Variants in CDC42BPA observed in about 807,000 individuals in gnomAD.
CDC42BPA encodes the protein serine/threonine-protein kinase MRCK alpha.
Under a neutral mutation model 223.5 loss-of-function variants are expected in CDC42BPA, and 80 were observed. The observed-to-expected ratio is 0.36, with a 90% CI of 0.30 to 0.43. CDC42BPA has a LOEUF of 0.43. Among genes scored for constraint, CDC42BPA ranks in the 20% least tolerant of loss-of-function variants. The pLI is 1.00. For synonymous variants in CDC42BPA, 694 were observed against 718.6 expected, an observed-to-expected ratio of 0.97 and a Z score of 0.55; for missense variants, 1,743 against 2,099.9, an observed-to-expected ratio of 0.83 and a Z score of 3.32.
intron 1 of CDC42BPA, among the ~76,000 whole-genome samples, chr1:227,271,932 A>G (rs888520267): frequency 6.6e-6 from 1 of 152,194 alleles, no homozygotes; most frequent in South Asian, 2.1e-4. Flanking sequence ...ATAGCTTCCT[A>G]GAAGATAAAT....
rs16846903 is a variant in CDC42BPA at position 227,061,506 on chromosome 1, C to T, written c.2904+8271G>A. Among the ~76,000 whole-genome samples, 411 of 149,806 alleles carry T rather than the reference C, an allele frequency of 2.7e-3. 12 individuals are homozygous for T. The East Asian group carries it at 0.052, about 19-fold the overall frequency. ...AGCCAGGATTCAAAACTTCCTCAGCCAGATTTCTGAAAAATGGTATACAAA... is the reference window on the plus strand; with the variant it reads ...AGCCAGGATTCAAAACTTCCTCAGCTAGATTTCTGAAAAATGGTATACAAA... On this transcript the variant is annotated intron_variant, in intron 21 of 36. Coordinates refer to ENST00000366766, the MANE Select transcript of CDC42BPA (RefSeq NM_001394014.1).
intron 34 of CDC42BPA, among the ~76,000 whole-genome samples, chr1:227,015,633 C>A (rs1666058275): frequency 2.0e-5 from 3 of 151,934 alleles, no homozygotes; most frequent in Admixed American, 2.0e-4. Flanking sequence ...AATTTCACAA[C>A]TGTCGGAGAG....
chr1:227,131,191 C>A (rs921602686), intron 10 of CDC42BPA, among the ~76,000 whole-genome samples: 10 of 152,122 alleles, frequency 6.6e-5, no homozygotes, highest in African/African-American at 2.4e-4. Context: ...GCACATAAAT[C>A]CCCTACGGCA....
chr1:227,121,017 C>T (rs563654898), intron 11 of CDC42BPA, among the ~76,000 whole-genome samples: 4 of 152,280 alleles, frequency 2.6e-5, no homozygotes, highest in South Asian at 2.1e-4. Flanking sequence ...CTAATGCCAC[C>T]GCTGATCTGA....
chr1:227,263,062 G>C (rs571729490), intron 1 of CDC42BPA, among the ~76,000 whole-genome samples: 1 of 152,006 alleles, frequency 6.6e-6, no homozygotes, highest in Non-Finnish European at 1.5e-5. Context: ...GTGAAATCTC[G>C]TCTCTACTAA....
In CDC42BPA at chr1:227,195,580, A is replaced by C. The variant is rs140365924; in HGVS notation, c.451-1646T>G. Among the ~76,000 whole-genome samples, 599 of 152,282 alleles carry C rather than the reference A, an allele frequency of 3.9e-3. 4 individuals are homozygous for C. The highest frequency in any genetic ancestry group is 0.013 in the African/African-American group (559 of 41,554). On this transcript the variant is annotated intron_variant, in intron 4 of 36. Transcript: ENST00000366766. Reference sequence around the variant, plus strand: ...TATAAGACTAAAAGTCTAAAGTAACAGTTAAATAATCCATTCTTTCTCCTC... The same window carrying C: ...TATAAGACTAAAAGTCTAAAGTAACCGTTAAATAATCCATTCTTTCTCCTC...
At chr1:227,183,917 G>A (rs1668350540) in intron 5 of CDC42BPA, among the ~76,000 whole-genome samples, 1 of 152,070 alleles carries the variant, frequency 6.6e-6, no homozygotes, top group South Asian at 2.1e-4. Flanking sequence ...ATCTCATTAT[G>A]GTTTTAACTG....
At chr1:227,019,258 T>G (rs1345119007) in intron 32 of CDC42BPA, among the ~76,000 whole-genome samples, 1 of 152,232 alleles carries the variant, frequency 6.6e-6, no homozygotes, top group African/African-American at 2.4e-5. Context: ...CATTTTTTTT[T>G]GCTTACCCAT....
rs72003435 is a variant in CDC42BPA at position 227,251,233 on chromosome 1, G to GA, written c.270+2830dup. On this transcript the variant is annotated intron_variant, in intron 2 of 36. Coordinates refer to ENST00000366766, the MANE Select transcript of CDC42BPA (RefSeq NM_001394014.1). The stretch of plus-strand genomic sequence containing the variant: ...TGGAACTAAAATATATGACAGCAAT[G>GA]AAAAAAAAAAGGTAGAAATTGGGTA... 1.1e-3 allele frequency among the ~76,000 whole-genome samples: 157 copies of GA among 146,850 alleles called. 2 individuals are homozygous for GA. In the South Asian group the frequency reaches 0.017, roughly 16 times the overall value.
At position 227,051,958 on chromosome 1, in the gene CDC42BPA, A is replaced by G. The variant is rs750342458; in HGVS notation, c.2932T>C (p.Trp978Arg). The change falls in exon 22 of 37, where the codon TGG becomes CGG. Residue 978 changes from tryptophan to arginine, a missense_variant. Coordinates refer to ENST00000366766, the MANE Select transcript of CDC42BPA (RefSeq NM_001394014.1). Reference protein sequence around the residue: ...ETDPVENTYVWNPSVKFHIQS... With the variant: ...ETDPVENTYVRNPSVKFHIQS... ...ATGTGAAACTTGACGCTCGGGTTCC[A>G]TACATATGTGTTCTCAACGGGATCA... The G allele has an allele frequency of 4.4e-6, 6 of 1,366,242 alleles. No homozygotes were observed. The Admixed American group carries it at 7.6e-5, about 17-fold the overall frequency. The allele number at this position is 1,366,242 out of a possible 1,614,324, so 84.6% of individuals were successfully genotyped here.
At chr1:227,074,611 C>T (rs1417420386) in intron 17 of CDC42BPA, among the ~76,000 whole-genome samples, 1 of 152,122 alleles carries the variant, frequency 6.6e-6, no homozygotes, top group East Asian at 1.9e-4. Flanking sequence ...ATAGCTGATA[C>T]ATTATTAAAA....
chr1:227,012,906 C>T (rs897478173), intron 34 of CDC42BPA, among the ~76,000 whole-genome samples: 4 of 151,948 alleles, frequency 2.6e-5, no homozygotes, highest in South Asian at 2.1e-4. Context: ...AAGATGGTTC[C>T]GGGCACAAAG....
intron 11 of CDC42BPA, among the ~76,000 whole-genome samples, chr1:227,120,394 A>G (rs1448136151): frequency 6.6e-6 from 1 of 152,210 alleles, no homozygotes; most frequent in Non-Finnish European, 1.5e-5. Context: ...TTATCTGAAG[A>G]ATAAACTCTG....
intron 2 of CDC42BPA, among the ~76,000 whole-genome samples, chr1:227,247,796 C>T (rs1372551746): frequency 3.3e-5 from 5 of 151,430 alleles, no homozygotes; most frequent in Admixed American, 6.6e-5. Context: ...GCAGGAGAAT[C>T]GCTTGAACCT....
intron 9 of CDC42BPA, among the ~76,000 whole-genome samples, chr1:227,140,345 G>A (rs1427672671): frequency 6.6e-6 from 1 of 151,946 alleles, no homozygotes; most frequent in Non-Finnish European, 1.5e-5. Flanking sequence ...AGCAGGAAAG[G>A]GAGAAATAAA....
intron 2 of CDC42BPA, among the ~76,000 whole-genome samples, chr1:227,215,330 T>C (rs1238626276): frequency 1.3e-5 from 2 of 152,224 alleles, no homozygotes; most frequent in South Asian, 2.1e-4. Context: ...GTTTGAATCC[T>C]AGTTTTGTCC....
intron 1 of CDC42BPA, among the ~76,000 whole-genome samples, chr1:227,297,515 C>G (rs1038608953): frequency 2.6e-5 from 4 of 151,998 alleles, no homozygotes; most frequent in African/African-American, 4.8e-5. Flanking sequence ...TTCATAATAA[C>G]CAAAAGGTGG....
At chr1:227,274,486 G>C (rs1448320188) in intron 1 of CDC42BPA, among the ~76,000 whole-genome samples, 2 of 152,028 alleles carry the variant, frequency 1.3e-5, no homozygotes, top group Non-Finnish European at 2.9e-5. Context: ...AATTAAATCT[G>C]GCAAATATAC....
intron 15 of CDC42BPA, among the ~76,000 whole-genome samples, chr1:227,096,031 T>C (rs1683934044): frequency 6.6e-6 from 1 of 152,242 alleles, no homozygotes; most frequent in Admixed American, 6.5e-5. Context: ...GATTGCTTTC[T>C]GGTGAACAAA....
Sources: gnomAD v4.1 joint callset for allele counts (sites outside exome capture counted in the v4.1 genomes callset) on GRCh38, gnomAD v4.1.1 for gene constraint, MANE v1.5 for transcripts, NCBI Gene and HGNC (gene_info 2026-07-23, HGNC 2026-07-21) for gene names.